Variants in BNC2 observed in about 807,000 individuals in gnomAD.
BNC2 encodes the protein zinc finger protein basonuclin-2.
BNC2 carries 20 observed loss-of-function variants against 76.3 expected under a neutral mutation model. The ratio of observed to expected loss-of-function variants is 0.26; its 90% CI spans 0.18 to 0.38. The LOEUF is 0.38. BNC2 is among the 10% of genes least tolerant of loss of function. BNC2 has a pLI of 1.00. For synonymous variants in BNC2, 582 were observed against 514.8 expected (o/e 1.13, Z -1.77); for missense variants, 1,382 against 1,399.8 (o/e 0.99, Z 0.20).
intron 1 of BNC2, among the ~76,000 whole-genome samples, chr9:16,789,698 A>G (rs1277382635): frequency 1.3e-5 from 2 of 152,220 alleles, no homozygotes; most frequent in African/African-American, 2.4e-5. Flanking sequence ...GAAATGTATT[A>G]TACATGTTAT....
At chr9:16,586,358 T>C (rs1478471015) in intron 3 of BNC2, among the ~76,000 whole-genome samples, 1 of 152,200 alleles carries the variant, frequency 6.6e-6, no homozygotes, top group Admixed American at 6.5e-5. Flanking sequence ...GAGAAATCCA[T>C]GCACCCAGCA....
At chr9:16,473,685 CA>C (rs1821870868) in intron 5 of BNC2, among the ~76,000 whole-genome samples, 2 of 152,012 alleles carry the variant, frequency 1.3e-5, no homozygotes, top group East Asian at 3.9e-4. Flanking sequence ...CCAGCCTGAC[CA>C]ATATGGTGAA....
chr9:16,603,223 A>G (rs1025204716), intron 3 of BNC2, among the ~76,000 whole-genome samples: 1 of 152,322 alleles, frequency 6.6e-6, no homozygotes, highest in African/African-American at 2.4e-5. Flanking sequence ...CTAGCAGATA[A>G]GTCAGGGCCA....
chr9:16,587,527 CTATT>C lies in BNC2; in HGVS notation c.331-4446_331-4443del, dbSNP rs774411154. The stretch of plus-strand genomic sequence containing the variant: ...CATAATTCCAGTCTTTTTTTCTAGA[CTATT>C]TAAACTGTCTCCTAATTAACCTACA... On this transcript the variant is annotated intron_variant, in intron 3 of 6. Coordinates refer to ENST00000380672, the MANE Select transcript of BNC2 (RefSeq NM_017637.6). 5.9e-5 allele frequency among the ~76,000 whole-genome samples: 9 copies of C among 152,158 alleles called. No homozygotes were observed. In the East Asian group the frequency reaches 1.7e-3, roughly 29 times the overall value.
Position 16,667,113 on chromosome 9 carries a change from A to ACACG in BNC2, c.330+60680_330+60683dup, listed in dbSNP as rs1038332188. On this transcript the variant is annotated intron_variant, in intron 3 of 6. Transcript: ENST00000380672. ...CACACACACACACACACACACGCAC[A>ACACG]CACGCACACACGCCGATGTTATAAA... 1.0e-3 allele frequency among the ~76,000 whole-genome samples: 157 copies of ACACG among 152,102 alleles called. 1 individual carries two copies. Among genetic ancestry groups the ACACG allele is most frequent in the African/African-American group, 3.5e-3 (145 of 41,488 alleles).
At chr9:16,801,471 C>A (rs1391724423) in intron 1 of BNC2, among the ~76,000 whole-genome samples, 2 of 151,420 alleles carry the variant, frequency 1.3e-5, no homozygotes, top group Non-Finnish European at 2.9e-5. Flanking sequence ...CTCGTGACCT[C>A]GTGATCTACC....
chr9:16,472,462 T>G (rs1034597209), intron 5 of BNC2, among the ~76,000 whole-genome samples: 1 of 152,218 alleles, frequency 6.6e-6, no homozygotes, highest in Non-Finnish European at 1.5e-5. Context: ...TAGGTTCTTA[T>G]ATATACCTAC....
At chr9:16,538,148 G>A (rs1818185217) in intron 5 of BNC2, among the ~76,000 whole-genome samples, 1 of 152,196 alleles carries the variant, frequency 6.6e-6, no homozygotes, top group South Asian at 2.1e-4. Flanking sequence ...GGAAAGAGAA[G>A]ACAAAGCAGA....
Position 16,691,504 on chromosome 9 carries a change from CTTTTTTTTTT to C in BNC2, c.330+36283_330+36292del, listed in dbSNP as rs71327842. ...CCAGATCCACGGATGGGTATGGGTT[CTTTTTTTTTT>C]TTTTTTTTTTTTTGAAACAGAGTCT... On this transcript the variant is annotated intron_variant, in intron 3 of 6. Coordinates refer to ENST00000380672, the MANE Select transcript of BNC2 (RefSeq NM_017637.6). Among the ~76,000 whole-genome samples, 470 of 113,214 alleles carry C rather than the reference CTTTTTTTTTT, an allele frequency of 4.2e-3. 6 individuals carry two copies. Among genetic ancestry groups the C allele is most frequent in the South Asian group, 0.034 (116 of 3,448 alleles). The allele number at this position is 113,214 out of a possible 152,430, so 74.3% of individuals were successfully genotyped here. A position where few individuals can be genotyped will look rare whatever the true frequency, so the allele number is the denominator to read the frequency against.
At position 16,650,984 on chromosome 9, in the gene BNC2, C is replaced by A. The variant is rs182472952; in HGVS notation, c.331-67899G>T. Among the ~76,000 whole-genome samples the A allele has an allele frequency of 1.1e-4, 17 of 152,232 alleles. No homozygotes were observed. The East Asian group carries it at 2.7e-3, about 24-fold the overall frequency. The stretch of plus-strand genomic sequence containing the variant: ...TAGTCAGATAACTCTTTAAAAACAA[C>A]CATTTCTATATGCCTCGGTTTCCTC... On this transcript the variant is annotated intron_variant, in intron 3 of 6. Coordinates refer to ENST00000380672, the MANE Select transcript of BNC2 (RefSeq NM_017637.6).
intron 6 of BNC2, among the ~76,000 whole-genome samples, chr9:16,435,325 C>T (rs553968036): frequency 7.4e-4 from 112 of 152,206 alleles, no homozygotes; most frequent in Non-Finnish European, 9.0e-4. Context: ...AGAAAAATGG[C>T]GTGCATTACG....
intron 3 of BNC2, among the ~76,000 whole-genome samples, chr9:16,634,524 C>CA (rs1821259614): frequency 7.8e-6 from 1 of 127,618 alleles, no homozygotes; most frequent in African/African-American, 3.2e-5. Context: ...TTTTTTGAGA[C>CA]AGAGTCTCAT....
intron 3 of BNC2, among the ~76,000 whole-genome samples, chr9:16,707,703 A>G (rs192827661): frequency 6.6e-6 from 1 of 152,182 alleles, no homozygotes; most frequent in Non-Finnish European, 1.5e-5. Context: ...GTGCAGTGGC[A>G]CGGTTTCAGT....
At chr9:16,458,882 A>G (rs1157360444) in intron 5 of BNC2, among the ~76,000 whole-genome samples, 1 of 152,240 alleles carries the variant, frequency 6.6e-6, no homozygotes, top group Non-Finnish European at 1.5e-5. Flanking sequence ...TTTCAGCTCA[A>G]GTCCAGCACG....
chr9:16,796,328 G>C (rs766508168), intron 1 of BNC2, among the ~76,000 whole-genome samples: 1 of 152,152 alleles, frequency 6.6e-6, no homozygotes, highest in Admixed American at 6.5e-5. Context: ...ACTACACCCT[G>C]ATAGATTTCA....
At chr9:16,574,559 G>C (rs1397089749) in intron 4 of BNC2, among the ~76,000 whole-genome samples, 1 of 152,046 alleles carries the variant, frequency 6.6e-6, no homozygotes, top group South Asian at 2.1e-4. Flanking sequence ...TTCACCTACG[G>C]AACACTTGGT....
At chr9:16,611,759 C>A (rs1820552429) in intron 3 of BNC2, among the ~76,000 whole-genome samples, 1 of 152,092 alleles carries the variant, frequency 6.6e-6, no homozygotes, top group Non-Finnish European at 1.5e-5. Context: ...TTATCAAATT[C>A]TCTGGAATAA....
chr9:16,652,257 GA>G (rs1821814372), intron 3 of BNC2, among the ~76,000 whole-genome samples: 1 of 152,076 alleles, frequency 6.6e-6, no homozygotes, highest in Non-Finnish European at 1.5e-5. Context: ...ACTTTTATTA[GA>G]ATTTTTTTTC....
intron 1 of BNC2, among the ~76,000 whole-genome samples, chr9:16,782,577 T>C (rs1826183816): frequency 6.6e-6 from 1 of 151,990 alleles, no homozygotes; most frequent in South Asian, 2.1e-4. Flanking sequence ...CAACCCTTCC[T>C]AGACCCCTTC....
Sources: allele counts gnomAD v4.1 joint callset (sites outside exome capture counted in the v4.1 genomes callset), GRCh38; gene constraint gnomAD v4.1.1; transcripts MANE v1.5; gene names NCBI Gene and HGNC (gene_info 2026-07-23, HGNC 2026-07-21).